The following PLCB4 variants were observed in gnomAD, a reference collection of about 807,000 sequenced individuals.
PLCB4 encodes 1-phosphatidylinositol 4,5-bisphosphate phosphodiesterase beta-4.
Under a neutral mutation model 178.8 loss-of-function variants are expected in PLCB4, and 77 were observed. That is an observed-to-expected ratio of 0.43 (90% CI 0.36 to 0.52). The LOEUF (loss-of-function observed/expected upper bound fraction) is 0.52, where lower values mean the gene tolerates loss of function less well. PLCB4 is among the 20% of genes least tolerant of loss of function. PLCB4 has a pLI of 0.00. For synonymous variants in PLCB4, 496 were observed against 490.8 expected, an observed-to-expected ratio of 1.01 and a Z score of -0.14; for missense variants, 1,024 against 1,453.4, an observed-to-expected ratio of 0.70 and a Z score of 4.80.
intron 2 of PLCB4, among the ~76,000 whole-genome samples, chr20:9,204,013 T>G (rs8183334): frequency 0.41 from 61,828 of 151,602 alleles, 12,666 homozygotes; most frequent in South Asian, 0.51. Context: ...CCCCCATGAC[T>G]GCCTTTAGAG....
intron 3 of PLCB4, among the ~76,000 whole-genome samples, chr20:9,270,175 T>A (rs1053052236): frequency 1.3e-5 from 2 of 152,126 alleles, no homozygotes; most frequent in African/African-American, 4.8e-5. Context: ...GAATTAAAGT[T>A]TTTTCTTTTT....
chr20:9,357,505 T>A (rs2034941700), intron 7 of PLCB4, among the ~76,000 whole-genome samples: 1 of 152,134 alleles, frequency 6.6e-6, no homozygotes, highest in East Asian at 1.9e-4. Context: ...CTTAGGAAAC[T>A]GCTGTGTCCT....
intron 3 of PLCB4, among the ~76,000 whole-genome samples, chr20:9,268,121 G>A (rs944265580): frequency 1.3e-5 from 2 of 152,110 alleles, no homozygotes; most frequent in African/African-American, 4.8e-5. Context: ...TCTATTATAA[G>A]CAACAGAAAA....
At chr20:9,155,217 C>T (rs2092767960) in intron 2 of PLCB4, among the ~76,000 whole-genome samples, 1 of 151,752 alleles carries the variant, frequency 6.6e-6, no homozygotes, top group Non-Finnish European at 1.5e-5. Context: ...TTTTCCACTC[C>T]TGTGTTACTT....
intron 3 of PLCB4, among the ~76,000 whole-genome samples, chr20:9,254,620 T>G (rs1333587385): frequency 6.6e-6 from 1 of 152,134 alleles, no homozygotes; most frequent in Non-Finnish European, 1.5e-5. Flanking sequence ...ATCTCTTGAA[T>G]CTGGGAGTTG....
chr20:9,376,580 C>A (rs1365062757), intron 12 of PLCB4, among the ~76,000 whole-genome samples: 1 of 152,120 alleles, frequency 6.6e-6, no homozygotes, highest in African/African-American at 2.4e-5. Flanking sequence ...TGAGCTGCCA[C>A]GTGGTGAGAC....
intron 2 of PLCB4, among the ~76,000 whole-genome samples, chr20:9,154,617 A>G (rs1407604606): frequency 6.6e-6 from 1 of 152,068 alleles, no homozygotes; most frequent in Non-Finnish European, 1.5e-5. Flanking sequence ...ACTTTATGTC[A>G]TTCAACAGAT....
At chr20:9,282,489 C>T (rs1035831223) in intron 3 of PLCB4, among the ~76,000 whole-genome samples, 3 of 151,920 alleles carry the variant, frequency 2.0e-5, no homozygotes, top group Non-Finnish European at 1.5e-5. Flanking sequence ...TTTCTAATTG[C>T]TTCCTCTCCC....
At chr20:9,375,247 T>C (rs1292185029) in intron 12 of PLCB4, among the ~76,000 whole-genome samples, 1 of 152,132 alleles carries the variant, frequency 6.6e-6, no homozygotes, top group Non-Finnish European at 1.5e-5. Context: ...TGGCCCCTCT[T>C]ATCTCTCCAA....
At chr20:9,078,781 T>A (rs1222546831) in intron 1 of PLCB4, among the ~76,000 whole-genome samples, 2 of 152,228 alleles carry the variant, frequency 1.3e-5, no homozygotes, top group Non-Finnish European at 2.9e-5. Context: ...TTGTTATTAA[T>A]GATATGAAGT....
At chr20:9,376,176 A>G (rs1746031593) in intron 12 of PLCB4, among the ~76,000 whole-genome samples, 1 of 151,980 alleles carries the variant, frequency 6.6e-6, no homozygotes, top group South Asian at 2.1e-4. Flanking sequence ...TTGCTCCCCA[A>G]AGTGTGATCC....
chr20:9,405,259 T>G (rs2039348788), intron 20 of PLCB4, 54 bp from the exon 21 acceptor site: 2 of 920,538 alleles, frequency 2.2e-6, no homozygotes, highest in East Asian at 5.3e-5. Context: ...GGCTAATAAA[T>G]TTGGAATTTT....
chr20:9,073,969 C>T (rs1318971587), intron 1 of PLCB4, among the ~76,000 whole-genome samples: 1 of 152,076 alleles, frequency 6.6e-6, no homozygotes, highest in Non-Finnish European at 1.5e-5. Flanking sequence ...ATGACCCACA[C>T]AAGGCGAAGA....
chr20:9,372,331 C>A lies in PLCB4; in HGVS notation c.614C>A (p.Ser205Tyr), dbSNP rs1387906236. ...KNDEIEPTAFSYEKFYELTQK... is the reference protein window; with the variant it reads ...KNDEIEPTAFYYEKFYELTQK... ...GATGAAATTGAGCCCACAGCATTTT[C>A]TTATGAAAAGTTCTATGAACTGACA... The change falls in exon 11 of 40, where the codon TCT becomes TAT. Residue 205 changes from serine to tyrosine, a missense_variant. Coordinates refer to ENST00000378473, the MANE Select transcript of PLCB4 (RefSeq NM_001377142.1). The A allele has an allele frequency of 6.3e-7, 1 of 1,595,678 alleles. No individual in the cohort carries two copies. Among genetic ancestry groups the A allele is most frequent in the Admixed American group, 1.7e-5 (1 of 59,612 alleles).
intron 24 of PLCB4, 86 bp downstream of exon 24, chr20:9,409,267 C>A: frequency 3.6e-6 from 4 of 1,096,490 alleles, no homozygotes; most frequent in Non-Finnish European, 5.0e-6. Context: ...TGGCTGTGGG[C>A]ATTTTTTAAA....
At chr20:9,385,046 A>G (rs1320389376) in intron 14 of PLCB4, among the ~76,000 whole-genome samples, 4 of 152,180 alleles carry the variant, frequency 2.6e-5, no homozygotes, top group African/African-American at 9.6e-5. Flanking sequence ...TCTGTTTAAC[A>G]AAGCACATCT....
At chr20:9,378,991 A>G (rs78706669) in intron 12 of PLCB4, among the ~76,000 whole-genome samples, 1,955 of 152,292 alleles carry the variant, frequency 0.013, 26 homozygotes, top group Non-Finnish European at 0.018. Context: ...CAGTCCGTGC[A>G]TATATTTGGG....
intron 2 of PLCB4, among the ~76,000 whole-genome samples, chr20:9,126,990 A>G (rs1308306957): frequency 6.6e-6 from 1 of 152,118 alleles, no homozygotes; most frequent in Non-Finnish European, 1.5e-5. Flanking sequence ...TAAGTCACAT[A>G]CTTACATAGC....
In PLCB4 at chr20:9,395,514, T is replaced by G. The variant is rs763335390; in HGVS notation, c.1415-9T>G. On this transcript the variant is annotated splice_polypyrimidine_tract_variant and intron_variant, in intron 18 of 39. Transcript: ENST00000378473. The stretch of plus-strand genomic sequence containing the variant: ...CTGTCACCATCTCTTTGCGTGTTTT[T>G]GCTAACAGAACAGCTGGAAGCTTTG... The G allele has an allele frequency of 1.8e-5, 29 of 1,607,868 alleles. 1 individual carries two copies. The South Asian group carries it at 3.1e-4, about 17-fold the overall frequency.
Sources: gnomAD v4.1 joint callset for allele counts (sites outside exome capture counted in the v4.1 genomes callset) on GRCh38, gnomAD v4.1.1 for gene constraint, MANE v1.5 for transcripts, NCBI Gene and HGNC (gene_info 2026-07-23, HGNC 2026-07-21) for gene names.